MDGA2: variants seen among roughly 807,000 people sequenced by gnomAD.
The protein encoded by MDGA2 is MAM domain-containing glycosylphosphatidylinositol anchor protein 2.
In MDGA2, 40 loss-of-function variants were observed where a neutral mutation model predicts 117.8. The ratio of observed to expected loss-of-function variants is 0.34; its 90% CI spans 0.26 to 0.44. MDGA2 has a LOEUF of 0.44. MDGA2 is among the 20% of genes least tolerant of loss of function. The pLI is 1.00. For synonymous variants in MDGA2, 452 were observed against 439.0 expected (o/e 1.03, Z -0.37); for missense variants, 1,123 against 1,250.6 (o/e 0.90, Z 1.54).
At chr14:47,647,879 A>C (rs975257609) in intron 1 of MDGA2, among the ~76,000 whole-genome samples, 2 of 152,126 alleles carry the variant, frequency 1.3e-5, no homozygotes, top group Non-Finnish European at 2.9e-5. Flanking sequence ...CCATTTTTGA[A>C]AAGACAAACA....
At chr14:47,101,064 G>T (rs571224324) in intron 5 of MDGA2, among the ~76,000 whole-genome samples, 1 of 149,570 alleles carries the variant, frequency 6.7e-6, no homozygotes, top group East Asian at 2.0e-4. Flanking sequence ...GATACTTGAT[G>T]AATGGAGGGA....
intron 3 of MDGA2, among the ~76,000 whole-genome samples, chr14:47,203,554 T>A (rs895055082): frequency 6.6e-6 from 1 of 151,972 alleles, no homozygotes; most frequent in African/African-American, 2.4e-5. Context: ...TCTGGGCTCA[T>A]GGAGGCTTGG....
intron 3 of MDGA2, among the ~76,000 whole-genome samples, chr14:47,204,747 G>T (rs1418322190): frequency 6.6e-6 from 1 of 151,830 alleles, no homozygotes; most frequent in African/African-American, 2.4e-5. Context: ...CATGTTATTT[G>T]CTAAATGACA....
intron 1 of MDGA2, among the ~76,000 whole-genome samples, chr14:47,539,615 G>A (rs1229076136): frequency 6.6e-6 from 1 of 152,056 alleles, no homozygotes; most frequent in Non-Finnish European, 1.5e-5. Context: ...CCAAACAATC[G>A]ATCACAGTGA....
chr14:47,339,476 T>C (rs1379038396), intron 1 of MDGA2, among the ~76,000 whole-genome samples: 1 of 152,024 alleles, frequency 6.6e-6, no homozygotes, highest in Non-Finnish European at 1.5e-5. Flanking sequence ...GTTTGGGTCA[T>C]GGGGGCAGAT....
intron 8 of MDGA2, among the ~76,000 whole-genome samples, chr14:47,001,464 C>T (rs754756509): frequency 6.6e-6 from 1 of 151,898 alleles, no homozygotes; most frequent in Non-Finnish European, 1.5e-5. Flanking sequence ...CAAAAGGGAA[C>T]AAAACTTATG....
At chr14:47,632,056 T>G (rs1157176228) in intron 1 of MDGA2, among the ~76,000 whole-genome samples, 2 of 152,136 alleles carry the variant, frequency 1.3e-5, no homozygotes, top group Non-Finnish European at 2.9e-5. Context: ...TGCATGGACA[T>G]GAAACCATAT....
intron 1 of MDGA2, among the ~76,000 whole-genome samples, chr14:47,366,434 G>A (rs376546421): frequency 8.6e-5 from 13 of 151,772 alleles, no homozygotes; most frequent in South Asian, 8.3e-4. Context: ...TAGTCCTTTC[G>A]GGATGAGCCA....
At chr14:47,516,053 C>A (rs901693222) in intron 1 of MDGA2, among the ~76,000 whole-genome samples, 4 of 152,072 alleles carry the variant, frequency 2.6e-5, no homozygotes, top group African/African-American at 9.7e-5. Flanking sequence ...CAATCATTAG[C>A]CCCAGTTCAA....
chr14:47,042,698 A>T (rs1353925419), intron 7 of MDGA2, among the ~76,000 whole-genome samples: 3 of 152,162 alleles, frequency 2.0e-5, no homozygotes, highest in Non-Finnish European at 4.4e-5. Context: ...TGTCAATGGC[A>T]CATCACTAAT....
chr14:46,897,769 C>G (rs1194821485), intron 10 of MDGA2, among the ~76,000 whole-genome samples: 1 of 151,832 alleles, frequency 6.6e-6, no homozygotes, highest in Non-Finnish European at 1.5e-5. Context: ...GTGCAGTGAG[C>G]AATTAATTTA....
intron 8 of MDGA2, among the ~76,000 whole-genome samples, chr14:46,964,818 T>C (rs1027215210): frequency 6.6e-6 from 1 of 152,076 alleles, no homozygotes; most frequent in Admixed American, 6.6e-5. Context: ...TTGTAGCTAT[T>C]TTTTTTCTTC....
intron 1 of MDGA2, among the ~76,000 whole-genome samples, chr14:47,596,921 T>C (rs968317777): frequency 1.3e-5 from 2 of 152,130 alleles, no homozygotes; most frequent in Admixed American, 6.6e-5. Flanking sequence ...CCATAACTAA[T>C]ATATCCTGGT....
chr14:46,974,132 T>C (rs1886368361), intron 8 of MDGA2, among the ~76,000 whole-genome samples: 1 of 152,020 alleles, frequency 6.6e-6, no homozygotes, highest in Admixed American at 6.6e-5. Context: ...TAGTAAAATA[T>C]GTAAGAATTC....
intron 2 of MDGA2, among the ~76,000 whole-genome samples, chr14:47,293,955 A>G (rs1453692066): frequency 6.6e-6 from 1 of 152,146 alleles, no homozygotes; most frequent in African/African-American, 2.4e-5. Context: ...ACTATAAGGA[A>G]GACTGTAAGT....
At chr14:47,008,893 C>T (rs1377203863) in intron 8 of MDGA2, among the ~76,000 whole-genome samples, 1 of 151,870 alleles carries the variant, frequency 6.6e-6, no homozygotes, top group African/African-American at 2.4e-5. Context: ...ATGTTTATTT[C>T]TCCCTGAGCA....
chr14:47,248,972 TTCTC>T (rs145914181), intron 2 of MDGA2, among the ~76,000 whole-genome samples: 13 of 136,218 alleles, frequency 9.5e-5, no homozygotes, highest in South Asian at 5.3e-4. Flanking sequence ...TCTTCCTTCC[TTCTC>T]TCTCTTTCTT....
At position 47,035,040 on chromosome 14, in the gene MDGA2, C is replaced by T. The variant is rs1888794371; in HGVS notation, c.1790G>A (p.Arg597Lys). The change falls in exon 8 of 17, where the codon AGG becomes AAG. Residue 597 changes from arginine to lysine, a missense_variant. Physicochemically the swap from Arg to Lys is conservative, Grantham distance 26. Transcript: ENST00000399232. ...SQYNGFNVKP[R>K]EALVQLIVQY... is the part of the protein sequence containing the mutation. The stretch of plus-strand genomic sequence containing the variant: ...AACGATGAGCTGCACCAAGGCTTCC[C>T]TTGGTTTCACGTTAAATCCATTGTA... The T allele has an allele frequency of 6.2e-7, 1 of 1,613,764 alleles. No homozygotes were observed. The highest frequency in any genetic ancestry group is 8.5e-7 in the Non-Finnish European group (1 of 1,179,876).
intron 1 of MDGA2, among the ~76,000 whole-genome samples, chr14:47,420,954 T>C (rs1386398635): frequency 6.6e-6 from 1 of 152,100 alleles, no homozygotes; most frequent in Non-Finnish European, 1.5e-5. Flanking sequence ...TTCATTTATA[T>C]ACAAAGAAAA....
Sources: gnomAD v4.1 joint callset for allele counts (sites outside exome capture counted in the v4.1 genomes callset) on GRCh38, gnomAD v4.1.1 for gene constraint, MANE v1.5 for transcripts, NCBI Gene and HGNC (gene_info 2026-07-23, HGNC 2026-07-21) for gene names.